Variants in SLC26A8 observed in about 807,000 individuals in gnomAD.
SLC26A8 encodes testis anion transporter 1.
Under a neutral mutation model 105.0 loss-of-function variants are expected in SLC26A8, and 70 were observed. The observed-to-expected ratio is 0.67, with a 90% CI of 0.55 to 0.81. SLC26A8 has a LOEUF of 0.81. SLC26A8 is among the 40% of genes least tolerant of loss of function. The pLI is 0.00. For synonymous variants in SLC26A8, 415 were observed against 438.3 expected (o/e 0.95, Z 0.66); for missense variants, 998 against 1,181.8 (o/e 0.84, Z 2.28).
At chr6:35,957,980 T>G (rs916473752) in intron 16 of SLC26A8, among the ~76,000 whole-genome samples, 9 of 152,176 alleles carry the variant, frequency 5.9e-5, no homozygotes, top group Non-Finnish European at 1.2e-4. Flanking sequence ...ATGTGTTATC[T>G]GCCTGACCTT....
chr6:35,995,725 G>T (rs1761333333), intron 5 of SLC26A8, among the ~76,000 whole-genome samples: 1 of 151,804 alleles, frequency 6.6e-6, no homozygotes, highest in East Asian at 1.9e-4. Context: ...TGCCCAGGCT[G>T]GTCTCAAACT....
chr6:36,004,074 CTTTTT>C (rs1184419646), intron 3 of SLC26A8, among the ~76,000 whole-genome samples: 1 of 114,414 alleles, frequency 8.7e-6, no homozygotes, highest in Admixed American at 9.2e-5. Flanking sequence ...TTTATTTCTG[CTTTTT>C]TTTTTTTTTT....
intron 16 of SLC26A8, among the ~76,000 whole-genome samples, chr6:35,956,769 G>A (rs1384950622): frequency 6.6e-6 from 1 of 150,650 alleles, no homozygotes; most frequent in Non-Finnish European, 1.5e-5. Context: ...AAAATACAAA[G>A]TTAGCCAGGT....
intron 17 of SLC26A8, among the ~76,000 whole-genome samples, chr6:35,953,013 C>CAAAAA (rs11364963): frequency 3.1e-5 from 2 of 63,722 alleles, no homozygotes; most frequent in African/African-American, 6.1e-5. Flanking sequence ...GATGCTGTCT[C>CAAAAA]AAAAAAAAAA....
rs12664249 is a variant in SLC26A8 at position 35,981,720 on chromosome 6, A to G, written c.1025+401T>C. Among the ~76,000 whole-genome samples the G allele has an allele frequency of 0.082, 12,408 of 152,242 alleles. 661 individuals are homozygous for G. The highest frequency in any genetic ancestry group is 0.16 in the African/African-American group (6,498 of 41,534). ...TATTTAGTCTAAGTTTGTGAAGGCA[A>G]AAGGAACGTTCATCTTCTGAACACA... On this transcript the variant is annotated intron_variant, in intron 8 of 19. Transcript: ENST00000490799. The surrounding 1 kb of genome is among the most constrained non-coding windows in gnomAD (Gnocchi z 4.0).
intron 5 of SLC26A8, among the ~76,000 whole-genome samples, chr6:35,994,700 C>T (rs989231972): frequency 3.3e-5 from 5 of 152,116 alleles, no homozygotes; most frequent in East Asian, 1.9e-4. Flanking sequence ...CTCAGCCTCC[C>T]GAGTAGCTGG....
intron 2 of SLC26A8, 107 bp from the exon 3 acceptor site, chr6:36,012,479 C>G (rs1192710971): frequency 1.6e-6 from 2 of 1,253,594 alleles, no homozygotes; most frequent in African/African-American, 3.0e-5. Flanking sequence ...AGAGTCTTGT[C>G]AGCACTAATG....
intron 10 of SLC26A8, among the ~76,000 whole-genome samples, chr6:35,974,958 A>G (rs1387268009): frequency 6.7e-6 from 1 of 148,398 alleles, no homozygotes; most frequent in Non-Finnish European, 1.5e-5. Context: ...GGGTTTTACC[A>G]TGTTAGCCAG....
intron 5 of SLC26A8, among the ~76,000 whole-genome samples, chr6:35,993,187 G>C (rs1252302506): frequency 2.0e-5 from 1 of 50,072 alleles, no homozygotes; most frequent in South Asian, 7.5e-4. Flanking sequence ...GATAGAGATT[G>C]GAGGGGGGGG....
At chr6:36,008,867 A>G (rs1000346545) in intron 3 of SLC26A8, among the ~76,000 whole-genome samples, 2 of 152,220 alleles carry the variant, frequency 1.3e-5, no homozygotes, top group Admixed American at 1.3e-4. Context: ...AATAGTGACA[A>G]CAGCAAATGT....
Position 36,012,336 on chromosome 6 carries a change from T to G in SLC26A8, c.225A>C (p.Thr75=). ...SWHRFLRCVL[T]IFPFLEWMCM... ...ACATCCATTCTAGGAAGGGAAAGAT[T>G]GTAAGCACGCATCGTAGGAACCTGT... Residue 75 remains threonine, a synonymous_variant, in exon 3 of 20, where the codon ACA becomes ACC. Coordinates refer to ENST00000490799, the MANE Select transcript of SLC26A8 (RefSeq NM_052961.4). The G allele has an allele frequency of 6.2e-7, 1 of 1,605,686 alleles. No individual in the cohort carries two copies. The highest frequency in any genetic ancestry group is 8.5e-7 in the Non-Finnish European group (1 of 1,177,204).
Position 35,959,713 on chromosome 6 carries a change from C to T in SLC26A8, c.1731+1G>A, listed in dbSNP as rs1449679640. ...AGAAAGGCGGGCAGGAGGGCAGATA[C>T]CTCTTTTAACAGCTTATGCTTTAGG... On this transcript the variant is annotated splice_donor_variant, in intron 15 of 19. Transcript: ENST00000490799. LOFTEE classifies it high-confidence loss of function. The T allele has an allele frequency of 6.2e-7, 1 of 1,606,026 alleles. No individual in the cohort carries two copies. Among genetic ancestry groups the T allele is most frequent in the Admixed American group, 1.7e-5 (1 of 57,486 alleles).
chr6:35,964,813 A>G (rs931242540), intron 11 of SLC26A8, among the ~76,000 whole-genome samples: 1 of 151,786 alleles, frequency 6.6e-6, no homozygotes, highest in African/African-American at 2.4e-5. Context: ...TAAAAATACA[A>G]AAATTAGCCA....
chr6:36,024,558 C>A lies in SLC26A8; in HGVS notation c.-57G>T, dbSNP rs1382616189. 2 of 387,454 alleles carry A rather than the reference C, an allele frequency of 5.2e-6. No individual in the cohort carries two copies. The highest frequency in any genetic ancestry group is 3.7e-5 in the South Asian group (2 of 53,360). The allele number at this position is 387,454 out of a possible 1,614,324, so 24.0% of individuals were successfully genotyped here. On this transcript the variant is annotated 5_prime_UTR_variant, in exon 1 of 20. Coordinates refer to ENST00000490799, the MANE Select transcript of SLC26A8 (RefSeq NM_052961.4). ...GCGCTGGGATCCCACACGGCTCTCG[C>A]CTGGCTGGCGGCGCTGCGGACGCGG... is the stretch of plus-strand genomic sequence containing the variant.
intron 17 of SLC26A8, 132 bp downstream of exon 17, chr6:35,955,020 G>T: frequency 2.0e-6 from 2 of 985,208 alleles, no homozygotes; most frequent in Non-Finnish European, 3.1e-6. Flanking sequence ...TGCCTTTGGT[G>T]TCCAAGGCTC....
At chr6:35,956,505 T>G (rs1316088032) in intron 16 of SLC26A8, among the ~76,000 whole-genome samples, 1 of 151,500 alleles carries the variant, frequency 6.6e-6, no homozygotes, top group Non-Finnish European at 1.5e-5. Flanking sequence ...AGGCCCAGAC[T>G]GCCTGCTATA....
intron 4 of SLC26A8, among the ~76,000 whole-genome samples, chr6:35,999,222 A>C (rs1581683187): frequency 6.6e-6 from 1 of 152,130 alleles, no homozygotes. Context: ...GAAAAGTAGC[A>C]CTTCACGTCT....
chr6:35,994,065 T>C (rs1258380797), intron 5 of SLC26A8, among the ~76,000 whole-genome samples: 1 of 151,896 alleles, frequency 6.6e-6, no homozygotes, highest in Non-Finnish European at 1.5e-5. Context: ...CAGGTTTTTG[T>C]TTCAAAGCTT....
chr6:35,956,351 C>T (rs1772059830), intron 16 of SLC26A8, among the ~76,000 whole-genome samples: 1 of 147,610 alleles, frequency 6.8e-6, no homozygotes, highest in African/African-American at 2.5e-5. Context: ...TCGCTTGAAG[C>T]TGGGAGGTTG....
Sources: allele counts gnomAD v4.1 joint callset (sites outside exome capture counted in the v4.1 genomes callset), GRCh38; gene constraint gnomAD v4.1.1; non-coding constraint Gnocchi (gnomAD v3.1); transcripts MANE v1.5; gene names NCBI Gene and HGNC (gene_info 2026-07-23, HGNC 2026-07-21).